Variants in DCBLD1 observed in about 807,000 individuals in gnomAD.
DCBLD1 encodes the protein discoidin, CUB and LCCL domain-containing protein 1.
Under a neutral mutation model 71.5 loss-of-function variants are expected in DCBLD1, and 57 were observed. That is an observed-to-expected ratio of 0.80 (90% confidence interval 0.64 to 0.99). The LOEUF is 0.99. Ranked by LOEUF, DCBLD1 falls within the 50% of genes least tolerant of loss-of-function variation. DCBLD1 has a pLI of 0.00. For missense variants in DCBLD1, 891 were observed against 923.5 expected, an observed-to-expected ratio of 0.96 and a Z score of 0.46; for synonymous variants, 380 against 363.8, an observed-to-expected ratio of 1.04 and a Z score of -0.51.
chr6:117,526,609 A>G (rs1424294778), intron 5 of DCBLD1, among the ~76,000 whole-genome samples: 1 of 152,182 alleles, frequency 6.6e-6, no homozygotes, highest in South Asian at 2.1e-4. Context: ...GGTAGATGGG[A>G]GTACATGATC....
chr6:117,544,499 A>G, intron 12 of DCBLD1, 29 bp from the exon 13 acceptor site: 2 of 1,612,722 alleles, frequency 1.2e-6, no homozygotes, highest in Non-Finnish European at 1.7e-6. Context: ...TGGCTTATAA[A>G]TATTCAGTAG....
Position 117,504,026 on chromosome 6 carries a change from T to C in DCBLD1, c.325+47T>C, listed in dbSNP as rs764612581. The C allele has an allele frequency of 1.9e-6, 3 of 1,601,400 alleles. No individual in the cohort carries two copies. In the Admixed American group the frequency reaches 5.0e-5, roughly 27 times the overall value. ...TCTCTGAGCATCAAAATTTTTGATATTTGCAGAGAAGGGCAAGTGGTGTGT... is the reference window on the plus strand; with the variant it reads ...TCTCTGAGCATCAAAATTTTTGATACTTGCAGAGAAGGGCAAGTGGTGTGT... On this transcript the variant is annotated intron_variant, in intron 2 of 14. Coordinates refer to ENST00000338728, the MANE Select transcript of DCBLD1 (RefSeq NM_001366458.2).
intron 1 of DCBLD1, among the ~76,000 whole-genome samples, chr6:117,484,471 C>G (rs939764106): frequency 1.3e-5 from 2 of 152,172 alleles, no homozygotes; most frequent in African/African-American, 4.8e-5. Flanking sequence ...ACCTCAGCCT[C>G]CTGAGTAGCT....
intron 14 of DCBLD1, among the ~76,000 whole-genome samples, chr6:117,566,544 A>G (rs1406057592): frequency 1.3e-5 from 2 of 152,208 alleles, no homozygotes; most frequent in Admixed American, 6.5e-5. Context: ...TCTACAAGAT[A>G]GATCTACTCA....
At chr6:117,537,374 A>T in intron 7 of DCBLD1, 149 bp downstream of exon 7, 1 of 637,272 alleles carries the variant, frequency 1.6e-6, no homozygotes, top group East Asian at 3.5e-5. Context: ...CTCTACTAAA[A>T]ATACAAAAAA....
chr6:117,498,213 G>A (rs1295166628), intron 1 of DCBLD1, among the ~76,000 whole-genome samples: 2 of 152,144 alleles, frequency 1.3e-5, no homozygotes, highest in Non-Finnish European at 2.9e-5. Flanking sequence ...ATCTAGTTTT[G>A]TTCTTGTAAA....
chr6:117,499,208 C>A (rs1466635701), intron 1 of DCBLD1, among the ~76,000 whole-genome samples: 3 of 145,766 alleles, frequency 2.1e-5, no homozygotes, highest in Non-Finnish European at 4.4e-5. Context: ...TCCAGACCAG[C>A]CTGGGCGACA....
At chr6:117,531,423 C>T (rs921550805) in intron 5 of DCBLD1, among the ~76,000 whole-genome samples, 1 of 152,198 alleles carries the variant, frequency 6.6e-6, no homozygotes, top group Admixed American at 6.5e-5. Context: ...ATAGAAAGTT[C>T]TAGTCGTTTC....
chr6:117,485,305 A>C (rs1777048484), intron 1 of DCBLD1, among the ~76,000 whole-genome samples: 2 of 152,230 alleles, frequency 1.3e-5, no homozygotes, highest in South Asian at 4.1e-4. Context: ...TAAGTGAAGA[A>C]TCAAAATGAG....
chr6:117,554,330 A>G (rs1264839359), downstream of DCBLD1, among the ~76,000 whole-genome samples: 1 of 152,186 alleles, frequency 6.6e-6, no homozygotes, highest in Non-Finnish European at 1.5e-5. Context: ...GCAGAGATAG[A>G]TTTATTATGT....
chr6:117,503,744 C>T (rs767521755), intron 1 of DCBLD1, 23 bp from the exon 2 acceptor site: 7 of 1,610,432 alleles, frequency 4.3e-6, no homozygotes, highest in African/African-American at 4.0e-5. Context: ...TTCTTTTATT[C>T]CCCCCTTCTT....
intron 2 of DCBLD1, among the ~76,000 whole-genome samples, chr6:117,508,574 A>G (rs1023525539): frequency 2.0e-5 from 3 of 152,202 alleles, no homozygotes; most frequent in Non-Finnish European, 4.4e-5. Flanking sequence ...TGTAACCTTG[A>G]CTTGCCCTCT....
chr6:117,504,472 A>G (rs1311967145), intron 2 of DCBLD1, among the ~76,000 whole-genome samples: 3 of 152,310 alleles, frequency 2.0e-5, no homozygotes, highest in East Asian at 1.9e-4. Flanking sequence ...AAACGAAGGC[A>G]TCCAAAGGTG....
At chr6:117,490,970 A>G (rs1777272552) in intron 1 of DCBLD1, among the ~76,000 whole-genome samples, 1 of 152,190 alleles carries the variant, frequency 6.6e-6, no homozygotes, top group Admixed American at 6.5e-5. Context: ...TTATTTCACT[A>G]TTATTTCTGA....
At chr6:117,523,007 C>A (rs1778434572) in intron 4 of DCBLD1, among the ~76,000 whole-genome samples, 1 of 152,000 alleles carries the variant, frequency 6.6e-6, no homozygotes, top group Non-Finnish European at 1.5e-5. Flanking sequence ...AATATTATGT[C>A]TAATAGGGGG....
intron 7 of DCBLD1, 80 bp downstream of exon 7, chr6:117,537,305 C>G: frequency 7.5e-7 from 1 of 1,335,694 alleles, no homozygotes; most frequent in Non-Finnish European, 1.1e-6. Context: ...GAGGCCGAGG[C>G]AGGCGGATCA....
intron 6 of DCBLD1, among the ~76,000 whole-genome samples, chr6:117,535,646 C>T (rs1562455781): frequency 1.3e-5 from 2 of 152,202 alleles, no homozygotes; most frequent in South Asian, 4.2e-4. Context: ...GTATCCTTTC[C>T]ATACTTTTTG....
chr6:117,499,887 G>T (rs918037905), intron 1 of DCBLD1, among the ~76,000 whole-genome samples: 1 of 152,130 alleles, frequency 6.6e-6, no homozygotes, highest in Non-Finnish European at 1.5e-5. Flanking sequence ...GTGTGGTAGC[G>T]CATGCCTGTA....
At chr6:117,519,710 A>T in intron 2 of DCBLD1, 106 bp from the exon 3 acceptor site, 2 of 1,379,824 alleles carry the variant, frequency 1.4e-6, no homozygotes, top group Non-Finnish European at 2.0e-6. Context: ...AATCATACAT[A>T]TGTATTGTCT....
Sources: gnomAD v4.1 joint callset for allele counts (sites outside exome capture counted in the v4.1 genomes callset) on GRCh38, gnomAD v4.1.1 for gene constraint, MANE v1.5 for transcripts, NCBI Gene and HGNC (gene_info 2026-07-23, HGNC 2026-07-21) for gene names.